The following PCDHGA11 variants were observed in gnomAD, a reference collection of about 807,000 sequenced individuals.
The protein encoded by PCDHGA11 is protocadherin gamma-A11.
PCDHGA11 carries 39 observed loss-of-function variants against 60.4 expected under a neutral mutation model. That is an observed-to-expected ratio of 0.65 (90% confidence interval 0.50 to 0.84). PCDHGA11 has a LOEUF of 0.84. PCDHGA11 is among the 40% of genes least tolerant of loss of function. The pLI is 0.00. For synonymous variants in PCDHGA11, 533 were observed against 510.3 expected, an observed-to-expected ratio of 1.04 and a Z score of -0.60; for missense variants, 1,165 against 1,197.7, an observed-to-expected ratio of 0.97 and a Z score of 0.40.
rs747671382 is a variant in PCDHGA11, at chr5:141,444,152, A to ATTTT, written c.2433+20525_2433+20528dup. Among the ~76,000 whole-genome samples the ATTTT allele has an allele frequency of 5.0e-4, 17 of 33,898 alleles. 5 individuals carry two copies. Among genetic ancestry groups the ATTTT allele is most frequent in the African/African-American group, 7.0e-4 (5 of 7,184 alleles). 22.2% of individuals were successfully genotyped at this position (33,898 alleles called of 152,430 possible). ...GATATGTGTCACTTGTGTGTACTGG[A>ATTTT]TTTTTTTTTTTTTTTTTTTTTTTTT... On this transcript the variant is annotated intron_variant, in intron 1 of 3. Transcript: ENST00000398587.
At position 141,487,790 on chromosome 5, in the gene PCDHGA11, C is replaced by T. The variant is rs1360781901; in HGVS notation, c.2434-7017C>T. 6.6e-7 allele frequency: 1 copy of T among 1,511,992 alleles called. No individual in the cohort carries two copies. Among genetic ancestry groups the T allele is most frequent in the Non-Finnish European group, 8.9e-7 (1 of 1,120,458 alleles). The allele number at this position is 1,511,992 out of a possible 1,614,324, so 93.7% of individuals were successfully genotyped here. ...GCTTTGTAACTGTTTCGTGAATTAA[C>T]CAGAGTTGTCACAGTTTAGCATTGG... On this transcript the variant is annotated intron_variant, in intron 1 of 3. Coordinates refer to ENST00000398587, the MANE Select transcript of PCDHGA11 (RefSeq NM_018914.3). This position sits in a 1 kb window ranked among gnomAD's most constrained non-coding sequence, Gnocchi z 5.0.
chr5:141,430,383 G>GAA (rs139772145), intron 1 of PCDHGA11, among the ~76,000 whole-genome samples: 39 of 138,602 alleles, frequency 2.8e-4, no homozygotes, highest in African/African-American at 7.9e-4. Context: ...AGCTCATTGG[G>GAA]AAAAAAAAAA....
rs1554136305 is a variant in PCDHGA11, at chr5:141,450,006, CT to C, written c.2433+26364del. Reference sequence around the variant, plus strand: ...CACATTGCATTTAGTTGCCATGTCTCTTTTTTTTTTTTTTTTTTGAGACAGG... The same window carrying C: ...CACATTGCATTTAGTTGCCATGTCTCTTTTTTTTTTTTTTTTTGAGACAGG... On this transcript the variant is annotated intron_variant, in intron 1 of 3. Coordinates refer to ENST00000398587, the MANE Select transcript of PCDHGA11 (RefSeq NM_018914.3). Among the ~76,000 whole-genome samples, 140 of 132,944 alleles carry C rather than the reference CT, an allele frequency of 1.1e-3. 2 individuals are homozygous for C. In the Middle Eastern group the frequency reaches 0.016, roughly 15 times the overall value. 87.2% of individuals were successfully genotyped at this position (132,944 alleles called of 152,430 possible). A position where few individuals can be genotyped will look rare whatever the true frequency, so the allele number is the denominator to read the frequency against.
Position 141,421,435 on chromosome 5 carries a change from A to G in PCDHGA11, c.208A>G (p.Arg70Gly), listed in dbSNP as rs775839500. 3 of 1,614,108 alleles carry G rather than the reference A, an allele frequency of 1.9e-6. No individual in the cohort carries two copies. The highest frequency in any genetic ancestry group is 4.5e-5 in the East Asian group (2 of 44,890). The change falls in exon 1 of 4, where the codon AGA (arginine) becomes GGA (glycine). Residue 70 changes from arginine (R) to glycine (G), a missense_variant. Transcript: ENST00000398587. The stretch of plus-strand genomic sequence containing the variant: ...GAAGCGCGGAGTCCGCATCGTCTCC[A>G]GAGGGAAGACACAGCTTTTCGCTGT... ...LAKRGVRIVS[R>G]GKTQLFAVNP... is the part of the protein sequence containing the mutation.
intron 1 of PCDHGA11, chr5:141,478,920 CCAGTGG>C: frequency 2.7e-6 from 2 of 728,392 alleles, no homozygotes; most frequent in South Asian, 4.5e-5. Flanking sequence ...ATACCTCTAA[CCAGTGG>C]CAGCTTCTAG....
chr5:141,490,473 T>C lies in PCDHGA11; in HGVS notation c.2434-4334T>C. 6.2e-7 allele frequency: 1 copy of C among 1,614,228 alleles called. No homozygotes were observed. Among genetic ancestry groups the C allele is most frequent in the East Asian group, 2.2e-5 (1 of 44,878 alleles). On this transcript the variant is annotated intron_variant, in intron 1 of 3. Transcript: ENST00000398587. This position sits in a 1 kb window ranked among gnomAD's most constrained non-coding sequence, Gnocchi z 5.4. ...ACTACTCGCTGCTAACCAGCCAGCC[T>C]TTGGACCGGGAGGCCACATCCCACT...
Position 141,485,330 on chromosome 5 carries a change from C to T in PCDHGA11, c.2434-9477C>T. On this transcript the variant is annotated intron_variant, in intron 1 of 3. Transcript: ENST00000398587. This position sits in a 1 kb window ranked among gnomAD's most constrained non-coding sequence, Gnocchi z 5.7. ...TGTAGGGAATGTCGCTCAAGATTTC[C>T]TGCTGGATACGGACAGTCTGTCAGC... 6.2e-7 allele frequency: 1 copy of T among 1,614,164 alleles called. No individual in the cohort carries two copies. Among genetic ancestry groups the T allele is most frequent in the East Asian group, 2.2e-5 (1 of 44,862 alleles).
intron 1 of PCDHGA11, chr5:141,428,113 T>G: frequency 3.7e-6 from 6 of 1,607,492 alleles, no homozygotes; most frequent in Non-Finnish European, 5.1e-6. Context: ...CTGCAGGCCA[T>G]CGAGCCCGGG....
intron 1 of PCDHGA11, chr5:141,478,557 G>A (rs1316386006): frequency 1.2e-6 from 2 of 1,600,016 alleles, no homozygotes; most frequent in Non-Finnish European, 1.7e-6. Context: ...GTAAGGTTTA[G>A]CAAGTCATGC....
chr5:141,510,880 G>T (rs373993657), intron 3 of PCDHGA11, 67 bp from the exon 4 acceptor site: 1 of 1,611,902 alleles, frequency 6.2e-7, no homozygotes. Context: ...AACTGCTGGG[G>T]ATATAAGACA....
intron 1 of PCDHGA11, among the ~76,000 whole-genome samples, chr5:141,467,421 G>T (rs957302311): frequency 6.6e-6 from 1 of 152,100 alleles, no homozygotes; most frequent in African/African-American, 2.4e-5. Flanking sequence ...CCACACCTAG[G>T]TTATAGAAAC....
chr5:141,444,035 T>C (rs928920813), intron 1 of PCDHGA11, among the ~76,000 whole-genome samples: 1 of 151,694 alleles, frequency 6.6e-6, no homozygotes, highest in Non-Finnish European at 1.5e-5. Context: ...ATTCAGTAAA[T>C]CAGATAATTT....
chr5:141,430,889 A>G, intron 1 of PCDHGA11: 1 of 1,605,270 alleles, frequency 6.2e-7, no homozygotes, highest in African/African-American at 1.3e-5. Flanking sequence ...GAAAGGCTCT[A>G]GGGTGGGCGA....
rs114918874 is a variant in PCDHGA11 at position 141,487,585 on chromosome 5, C to T, written c.2434-7222C>T. On this transcript the variant is annotated intron_variant, in intron 1 of 3. Transcript: ENST00000398587. This position sits in a 1 kb window ranked among gnomAD's most constrained non-coding sequence, Gnocchi z 5.0. Reference sequence around the variant, plus strand: ...CAGGGGAGCCTGTTCGCCCAAGCTGCCCACCCTCTGATCTTCTCTATGGGC... The same window carrying T: ...CAGGGGAGCCTGTTCGCCCAAGCTGTCCACCCTCTGATCTTCTCTATGGGC... 7,902 of 1,614,160 alleles carry T rather than the reference C, an allele frequency of 4.9e-3. 42 individuals are homozygous for T. The highest frequency in any genetic ancestry group is 8.8e-3 in the Admixed American group (531 of 60,020).
chr5:141,488,980 C>A, intron 1 of PCDHGA11: 1 of 392,340 alleles, frequency 2.5e-6, no homozygotes, highest in Non-Finnish European at 4.5e-6. Flanking sequence ...CAATCAGACT[C>A]AGAGCTGAGG....
chr5:141,489,692 G>C lies in PCDHGA11; in HGVS notation c.2434-5115G>C, dbSNP rs768806028. The stretch of plus-strand genomic sequence containing the variant: ...TCAGAATCAGCAGCATCTGGGGCAC[G>C]ATTCCCACTGGACAGTGCCCAGGAT... On this transcript the variant is annotated intron_variant, in intron 1 of 3. Transcript: ENST00000398587. This position sits in a 1 kb window ranked among gnomAD's most constrained non-coding sequence, Gnocchi z 4.5. 6.2e-7 allele frequency: 1 copy of C among 1,614,128 alleles called. No individual in the cohort carries two copies. Among genetic ancestry groups the C allele is most frequent in the South Asian group, 1.1e-5 (1 of 91,080 alleles).
chr5:141,431,464 G>A lies in PCDHGA11; in HGVS notation c.2433+7804G>A. The A allele has an allele frequency of 1.9e-6, 3 of 1,613,782 alleles. No individual in the cohort carries two copies. Among genetic ancestry groups the A allele is most frequent in the Non-Finnish European group, 1.7e-6 (2 of 1,179,972 alleles). ...GCATCCGCGTGATGGTTCTGGATGC[G>A]AACGACAACGCACCAGCGTTTGCTC... On this transcript the variant is annotated intron_variant, in intron 1 of 3. Coordinates refer to ENST00000398587, the MANE Select transcript of PCDHGA11 (RefSeq NM_018914.3). This position sits in a 1 kb window ranked among gnomAD's most constrained non-coding sequence, Gnocchi z 4.8.
intron 1 of PCDHGA11, chr5:141,427,469 C>A: frequency 2.0e-6 from 1 of 510,092 alleles, no homozygotes; most frequent in Non-Finnish European, 3.8e-6. Flanking sequence ...TCGAATCTTC[C>A]GCCAATAATG....
intron 1 of PCDHGA11, among the ~76,000 whole-genome samples, chr5:141,474,448 A>G (rs1350019257): frequency 3.3e-5 from 5 of 152,204 alleles, no homozygotes; most frequent in Non-Finnish European, 5.9e-5. Context: ...GTAGCAAGTG[A>G]TTGGGCTATA....
Sources: allele counts gnomAD v4.1 joint callset (sites outside exome capture counted in the v4.1 genomes callset), GRCh38; gene constraint gnomAD v4.1.1; non-coding constraint Gnocchi (gnomAD v3.1); transcripts MANE v1.5; gene names NCBI Gene and HGNC (gene_info 2026-07-23, HGNC 2026-07-21).